Variants in GALNT14 observed in about 807,000 individuals in gnomAD.
The protein encoded by GALNT14 is polypeptide N-acetylgalactosaminyltransferase 14, also known as UDP-GalNAc:polypeptide N-acetylgalactosaminyltransferase 14.
In GALNT14, 60 loss-of-function variants were observed where a neutral mutation model predicts 77.5. The ratio of observed to expected loss-of-function variants is 0.77; its 90% CI spans 0.63 to 0.96. GALNT14 has a LOEUF of 0.96. Among genes scored for constraint, GALNT14 ranks in the 40% least tolerant of loss-of-function variants. The pLI is 0.00. For synonymous variants in GALNT14, 280 were observed against 281.7 expected (o/e 0.99, Z 0.06); for missense variants, 710 against 731.0 (o/e 0.97, Z 0.33).
At chr2:30,908,928 T>C (rs935513967), downstream of GALNT14, among the ~76,000 whole-genome samples, 97 of 151,034 alleles carry the variant, frequency 6.4e-4, no homozygotes, top group Admixed American at 3.3e-4. Context: ...ATCTGATCTT[T>C]GACAAACCTG....
intron 1 of GALNT14, among the ~76,000 whole-genome samples, chr2:31,044,671 G>A (rs535463844): frequency 4.6e-5 from 7 of 152,062 alleles, no homozygotes; most frequent in South Asian, 2.1e-4. Flanking sequence ...TAATCCCAGC[G>A]CTTTGGGAGG....
intron 9 of GALNT14, among the ~76,000 whole-genome samples, chr2:30,939,948 C>T (rs1356740051): frequency 4.0e-5 from 6 of 151,070 alleles, no homozygotes; most frequent in African/African-American, 9.8e-5. Flanking sequence ...ACACTGTCCA[C>T]GTGACACAGC....
intron 1 of GALNT14, among the ~76,000 whole-genome samples, chr2:31,047,391 C>T (rs1031812053): frequency 5.9e-5 from 9 of 152,194 alleles, no homozygotes; most frequent in Non-Finnish European, 1.3e-4. Context: ...GCCTCAGATG[C>T]TCTCACCATC....
At chr2:31,028,238 C>T (rs1362165434) in intron 1 of GALNT14, among the ~76,000 whole-genome samples, 1 of 152,148 alleles carries the variant, frequency 6.6e-6, no homozygotes, top group Non-Finnish European at 1.5e-5. Flanking sequence ...CCTGGCCTCT[C>T]TGAGGGGCTC....
intron 1 of GALNT14, among the ~76,000 whole-genome samples, chr2:31,118,199 T>C (rs1558580060): frequency 6.6e-6 from 1 of 152,228 alleles, no homozygotes. Flanking sequence ...AGCTGAGTTT[T>C]ATATGATCAT....
At chr2:30,993,098 G>T (rs766337303) in intron 1 of GALNT14, 91 bp from the exon 2 acceptor site, 84 of 1,353,902 alleles carry the variant, frequency 6.2e-5, no homozygotes, top group Non-Finnish European at 8.0e-5. Context: ...CAGAGACCAG[G>T]CTTATTCTGG....
chr2:30,916,007 A>G (rs986543742), intron 13 of GALNT14, among the ~76,000 whole-genome samples: 13 of 152,076 alleles, frequency 8.5e-5, no homozygotes, highest in African/African-American at 2.9e-4. Context: ...AACTCCCCAG[A>G]CCTCCACAAA....
In GALNT14 at chr2:31,132,095, A is replaced by G. The variant is rs191579039; in HGVS notation, c.129+5863T>C. 9.4e-3 allele frequency among the ~76,000 whole-genome samples: 1,438 copies of G among 152,294 alleles called. 12 individuals are homozygous for G. Among genetic ancestry groups the G allele is most frequent in the East Asian group, 0.014 (71 of 5,180 alleles). On this transcript the variant is annotated intron_variant, in intron 1 of 14. Transcript: ENST00000349752. ...GATTCCATCTGCAGGTCCCTGGGAC[A>G]GGGCCTCCTGCAGGGACCTGGGGGA...
the GALNT14 span, among the ~76,000 whole-genome samples, chr2:30,897,649 G>A: frequency 6.6e-6 from 1 of 152,238 alleles, no homozygotes; most frequent in African/African-American, 2.4e-5. Context: ...CGTTTTCTTC[G>A]GCAACGCACA....
At chr2:31,133,717 G>A (rs1012917067) in intron 1 of GALNT14, among the ~76,000 whole-genome samples, 46 of 152,154 alleles carry the variant, frequency 3.0e-4, no homozygotes, top group African/African-American at 1.1e-3. Context: ...ACAAATGATA[G>A]GGAGAGAAGA....
chr2:31,135,499 GGAA>G (rs1343504547), intron 1 of GALNT14, among the ~76,000 whole-genome samples: 1 of 151,566 alleles, frequency 6.6e-6, no homozygotes, highest in African/African-American at 2.4e-5. Flanking sequence ...GGGAAAAACA[GGAA>G]GAAGAAAAAT....
chr2:30,992,397 G>A (rs1669757216), intron 2 of GALNT14, among the ~76,000 whole-genome samples: 1 of 152,112 alleles, frequency 6.6e-6, no homozygotes, highest in African/African-American at 2.4e-5. Flanking sequence ...GCTGGCACTG[G>A]AAGGCTCTCT....
At position 31,138,340 on chromosome 2, in the gene GALNT14, C is replaced by T; in HGVS notation, c.-254G>A. ...GGGCAGCCAAGCTGGACGCCCGCTC[C>T]AGCGGGAGAAGCGCGGTGGCTGCCG... On this transcript the variant is annotated 5_prime_UTR_variant, in exon 1 of 15. Coordinates refer to ENST00000349752, the MANE Select transcript of GALNT14 (RefSeq NM_024572.4). 2.1e-6 allele frequency: 1 copy of T among 467,180 alleles called. No individual in the cohort carries two copies. The allele number at this position is 467,180 out of a possible 1,614,324, so 28.9% of individuals were successfully genotyped here.
Position 31,002,576 on chromosome 2 carries a change from C to T in GALNT14, c.130-9569G>A, listed in dbSNP as rs137860122. On this transcript the variant is annotated intron_variant, in intron 1 of 14. Coordinates refer to ENST00000349752, the MANE Select transcript of GALNT14 (RefSeq NM_024572.4). The stretch of plus-strand genomic sequence containing the variant: ...GCTAGTCATAAAAATACAAAAGTAT[C>T]TGCTTACCCCTATACCTTTCTGTTG... Among the ~76,000 whole-genome samples the T allele has an allele frequency of 8.5e-5, 13 of 152,346 alleles. No individual in the cohort carries two copies. The East Asian group carries it at 2.5e-3, about 29-fold the overall frequency.
intron 1 of GALNT14, chr2:31,126,627 A>C (rs928916709): frequency 5.3e-5 from 8 of 152,310 alleles, no homozygotes; most frequent in Admixed American, 3.3e-4. Flanking sequence ...AGTGTTCTAC[A>C]AGCCAGTAGC....
intron 2 of GALNT14, among the ~76,000 whole-genome samples, chr2:30,976,224 C>A (rs1034527050): frequency 6.6e-6 from 1 of 152,194 alleles, no homozygotes; most frequent in African/African-American, 2.4e-5. Context: ...GTTTTTCAAT[C>A]TCTGGCCCCA....
intron 13 of GALNT14, among the ~76,000 whole-genome samples, chr2:30,916,672 C>T (rs959930935): frequency 1.3e-5 from 2 of 151,554 alleles, no homozygotes; most frequent in Non-Finnish European, 2.9e-5. Flanking sequence ...CTAGCAGATG[C>T]CAGTCTGGCC....
In GALNT14 at chr2:31,043,072, G is replaced by A. The variant is rs141403224; in HGVS notation, c.130-50065C>T. On this transcript the variant is annotated intron_variant, in intron 1 of 14. Transcript: ENST00000349752. ...TCCTCATCCCAGCACACTCCACTTTGGCTATACCTGACCCTTGCTGTTCGT... is the reference window on the plus strand; with the variant it reads ...TCCTCATCCCAGCACACTCCACTTTAGCTATACCTGACCCTTGCTGTTCGT... Among the ~76,000 whole-genome samples the A allele has an allele frequency of 2.2e-3, 331 of 152,054 alleles. 1 individual carries two copies. The highest frequency in any genetic ancestry group is 7.6e-3 in the African/African-American group (315 of 41,464).
chr2:31,126,299 G>C (rs1266053541), intron 1 of GALNT14, among the ~76,000 whole-genome samples: 2 of 152,152 alleles, frequency 1.3e-5, no homozygotes, highest in African/African-American at 4.8e-5. Context: ...CCCTTTCACA[G>C]ACTCAACGTG....
Sources: allele counts gnomAD v4.1 joint callset (sites outside exome capture counted in the v4.1 genomes callset), GRCh38; gene constraint gnomAD v4.1.1; transcripts MANE v1.5; gene names NCBI Gene and HGNC (gene_info 2026-07-23, HGNC 2026-07-21).